Variants in TSC2 observed in about 807,000 individuals in gnomAD.
The protein encoded by TSC2 is tuberin.
In TSC2, 29 loss-of-function variants were observed where a neutral mutation model predicts 202.2. That is an observed-to-expected ratio of 0.14 (90% confidence interval 0.11 to 0.20). TSC2 has a LOEUF of 0.20. Among genes scored for constraint, TSC2 ranks in the 10% least tolerant of loss-of-function variants. The pLI is 1.00. For synonymous variants in TSC2, 1,349 were observed against 1,044.0 expected, an observed-to-expected ratio of 1.29 and a Z score of -5.63; for missense variants, 2,429 against 2,420.0, an observed-to-expected ratio of 1.00 and a Z score of -0.08.
At position 2,088,870 on chromosome 16, in the gene TSC2, C is replaced by T. The variant is rs1448323908; in HGVS notation, c.*260C>T. On this transcript the variant is annotated 3_prime_UTR_variant, in exon 42 of 42. Transcript: ENST00000219476. ...GCCTGGGCCATACAGCACACTCGCGCGTGCGCGCGCGCACACACACACACA... is the reference window on the plus strand; with the variant it reads ...GCCTGGGCCATACAGCACACTCGCGTGTGCGCGCGCGCACACACACACACA... 57 of 500,076 alleles carry T rather than the reference C, an allele frequency of 1.1e-4. 1 individual carries two copies. The highest frequency in any genetic ancestry group is 5.4e-4 in the Middle Eastern group (1 of 1,854). 31.0% of individuals were successfully genotyped at this position (500,076 alleles called of 1,614,324 possible). A position where few individuals can be genotyped will look rare whatever the true frequency, so the allele number is the denominator to read the frequency against.
intron 21 of TSC2, 43 bp downstream of exon 21, chr16:2,073,026 G>A: frequency 6.2e-7 from 1 of 1,612,588 alleles, no homozygotes; most frequent in Non-Finnish European, 8.5e-7. Context: ...TGGGGCCTGG[G>A]ATTCGAGGGC....
intron 17 of TSC2, 41 bp from the exon 18 acceptor site, chr16:2,071,469 C>T (rs777973866): frequency 2.0e-5 from 32 of 1,609,872 alleles, no homozygotes; most frequent in Admixed American, 3.3e-5. Context: ...CCTGGGCCTG[C>T]ACGAGCTTGG....
chr16:2,083,534 C>G (rs2090389907), intron 32 of TSC2, 161 bp from the exon 33 acceptor site: 1 of 1,279,018 alleles, frequency 7.8e-7, no homozygotes, highest in African/African-American at 1.5e-5. Context: ...TTCCCAGCGT[C>G]CTCCCTGCCC....
rs570784945 is a variant in TSC2 at position 2,088,870 on chromosome 16, C to CGT, written c.*262_*263dup. The CGT allele has an allele frequency of 1.0e-5, 5 of 500,144 alleles. No individual in the cohort carries two copies. The highest frequency in any genetic ancestry group is 1.1e-3 in the Middle Eastern group (2 of 1,836). The allele number at this position is 500,144 out of a possible 1,614,324, so 31.0% of individuals were successfully genotyped here. On this transcript the variant is annotated 3_prime_UTR_variant, in exon 42 of 42. Transcript: ENST00000219476. ...GCCTGGGCCATACAGCACACTCGCG[C>CGT]GTGCGCGCGCGCACACACACACACA... is the stretch of plus-strand genomic sequence containing the variant.
chr16:2,083,679 G>A lies in TSC2; in HGVS notation c.3884-16G>A, dbSNP rs544004178. 113 of 1,571,042 alleles carry A rather than the reference G, an allele frequency of 7.2e-5. No homozygotes were observed. The highest frequency in any genetic ancestry group is 1.7e-4 in the Middle Eastern group (1 of 6,008). On this transcript the variant is annotated splice_polypyrimidine_tract_variant and intron_variant, in intron 32 of 41. Coordinates refer to ENST00000219476, the MANE Select transcript of TSC2 (RefSeq NM_000548.5). ...GCCCAGCCCCACATCCAGCAGCCCC[G>A]TCTGTGTCCTCCCAGACTCCGCCGT...
chr16:2,071,740 C>T (rs2151302409), intron 18 of TSC2, 44 bp from the exon 19 acceptor site: 1 of 1,598,734 alleles, frequency 6.3e-7, no homozygotes. Flanking sequence ...TGTTCCGTTC[C>T]TGCTGCGGGG....
intron 26 of TSC2, chr16:2,078,613 C>G (rs8047396): frequency 0.071 from 21,276 of 299,224 alleles, 4,055 homozygotes; most frequent in African/African-American, 0.41. Flanking sequence ...CTGAGGGTGA[C>G]GGTGGAAGGC....
At position 2,062,957 on chromosome 16, in the gene TSC2, G is replaced by C. The variant is rs1360683344; in HGVS notation, c.1362-15G>C. ...GGGCACTCCCCACCCGCCCCAGCAG[G>C]CTGCCGTCCCGCAGGAGCGAGTCCC... On this transcript the variant is annotated splice_polypyrimidine_tract_variant and intron_variant, in intron 13 of 41. Transcript: ENST00000219476. 3 of 1,548,806 alleles carry C rather than the reference G, an allele frequency of 1.9e-6. No individual in the cohort carries two copies. The highest frequency in any genetic ancestry group is 1.2e-5 in the South Asian group (1 of 84,008).
At position 2,048,702 on chromosome 16, in the gene TSC2, G is replaced by A. The variant is rs1010489256; in HGVS notation, c.87G>A (p.Arg29=). Residue 29 remains arginine (R), a synonymous_variant, in exon 2 of 42, where the codon AGG becomes AGA. Coordinates refer to ENST00000219476, the MANE Select transcript of TSC2 (RefSeq NM_000548.5). ...TGGGAACACCGAGGCCAAATCCCAGGTCTGCAGAGGGTAAACAGACGGAGT... is the reference window on the plus strand; with the variant it reads ...TGGGAACACCGAGGCCAAATCCCAGATCTGCAGAGGGTAAACAGACGGAGT... The part of the protein sequence containing the change: ...LGLGTPRPNP[R]SAEGKQTEFI... The A allele has an allele frequency of 1.2e-6, 2 of 1,614,066 alleles. No homozygotes were observed. Among genetic ancestry groups the A allele is most frequent in the Non-Finnish European group, 1.7e-6 (2 of 1,180,034 alleles).
chr16:2,055,382 T>C lies in TSC2; in HGVS notation c.482-20T>C, dbSNP rs548831116. 5 of 1,605,890 alleles carry C rather than the reference T, an allele frequency of 3.1e-6. No individual in the cohort carries two copies. Among genetic ancestry groups the C allele is most frequent in the Non-Finnish European group, 3.4e-6 (4 of 1,172,910 alleles). On this transcript the variant is annotated intron_variant, in intron 5 of 41. Coordinates refer to ENST00000219476, the MANE Select transcript of TSC2 (RefSeq NM_000548.5). ...ATGTAGATTCGGCGTCCTCGCAAAC[T>C]GCCGCCGCTTCTCCCCCAGCTGACT...
chr16:2,065,221 G>A (rs1444090373), intron 15 of TSC2: 18 of 370,710 alleles, frequency 4.9e-5, no homozygotes, highest in Non-Finnish European at 8.3e-5. Context: ...AGACCATCCT[G>A]GCTAACACGG....
At chr16:2,048,806 T>C in intron 2 of TSC2, 53 bp downstream of exon 2, 2 of 1,612,900 alleles carry the variant, frequency 1.2e-6, no homozygotes, top group Non-Finnish European at 1.7e-6. Flanking sequence ...CAGAGAAGGC[T>C]GGGTTTGGTC....
chr16:2,077,114 C>T (rs574011088), intron 25 of TSC2, among the ~76,000 whole-genome samples: 1 of 152,358 alleles, frequency 6.6e-6, no homozygotes, highest in South Asian at 2.1e-4. Flanking sequence ...TGTCTCCAGC[C>T]CCTGGGGGCC....
Position 2,082,496 on chromosome 16 carries a change from C to G in TSC2, c.3875C>G (p.Ser1292Cys), listed in dbSNP as rs796053497. 3.1e-6 allele frequency: 5 copies of G among 1,611,764 alleles called. No homozygotes were observed. The highest frequency in any genetic ancestry group is 4.2e-6 in the Non-Finnish European group (5 of 1,180,000). The stretch of plus-strand genomic sequence containing the variant: ...CAAGGACAGCTGCACAGGAGCGTTT[C>G]CTGGGCAGGTATCGCCTCTCAGAGG... ...SCQGQLHRSV[S>C]WADSAVVMEE... The change falls in exon 32 of 42, where the codon TCC (serine) becomes TGC (cysteine). Residue 1292 changes from serine to cysteine, a missense_variant. Ser to Cys is a moderately radical substitution (Grantham distance 112). Coordinates refer to ENST00000219476, the MANE Select transcript of TSC2 (RefSeq NM_000548.5).
rs779237901 is a variant in TSC2 at position 2,085,185 on chromosome 16, T to C, written c.4570-45T>C. ...GACCGGCCTGGGTGGGGCGGCCTCC[T>C]GTGGACGGGCGTCTGGGGCTCAGGC... On this transcript the variant is annotated intron_variant, in intron 35 of 41. Coordinates refer to ENST00000219476, the MANE Select transcript of TSC2 (RefSeq NM_000548.5). The C allele has an allele frequency of 3.1e-6, 5 of 1,611,608 alleles. No individual in the cohort carries two copies. In the South Asian group the frequency reaches 5.5e-5, roughly 18 times the overall value.
chr16:2,082,633 C>A, intron 32 of TSC2, 129 bp downstream of exon 32: 1 of 1,031,216 alleles, frequency 9.7e-7, no homozygotes, highest in Non-Finnish European at 1.5e-6. Flanking sequence ...CAGGTCCCGA[C>A]TCGCATGAGG....
rs915892832 is a variant in TSC2 at position 2,075,977 on chromosome 16, C to T, written c.2639+85C>T. On this transcript the variant is annotated intron_variant, in intron 23 of 41. Transcript: ENST00000219476. ...AGAAAGCCCCGGCAGCCTTTGTCCC[C>T]AAGGCCTGAGCGCCTCGGTTTTTTG... 8.1e-6 allele frequency: 13 copies of T among 1,611,476 alleles called. No homozygotes were observed. The South Asian group carries it at 9.9e-5, about 12-fold the overall frequency.
In TSC2 at chr16:2,059,879, T is replaced by C. The variant is rs375171860; in HGVS notation, c.976-791T>C. ...TTTCACCATGTTGGTCAGGCTGGTC[T>C]TGAACTCCTGACCTCAGGTGATCCA... is the stretch of plus-strand genomic sequence containing the variant. On this transcript the variant is annotated intron_variant, in intron 10 of 41. Coordinates refer to ENST00000219476, the MANE Select transcript of TSC2 (RefSeq NM_000548.5). 6.7e-4 allele frequency among the ~76,000 whole-genome samples: 102 copies of C among 152,318 alleles called. No homozygotes were observed. The East Asian group carries it at 0.018, about 27-fold the overall frequency.
At chr16:2,062,032 C>T (rs1277138752) in intron 12 of TSC2, 24 bp downstream of exon 12, 1 of 1,613,652 alleles carries the variant, frequency 6.2e-7, no homozygotes, top group East Asian at 2.2e-5. Context: ...CTGGGTGGGG[C>T]CTTTGGGCTT....
Sources: allele counts gnomAD v4.1 joint callset (sites outside exome capture counted in the v4.1 genomes callset), GRCh38; gene constraint gnomAD v4.1.1; transcripts MANE v1.5; gene names NCBI Gene and HGNC (gene_info 2026-07-23, HGNC 2026-07-21).